NIPAL2: variants seen among roughly 807,000 people sequenced by gnomAD.
The protein encoded by NIPAL2 is NIPA like domain containing 2, also known as NIPA-like protein 2.
A neutral mutation model predicts 48.9 loss-of-function variants in NIPAL2; 43 were observed. The observed-to-expected ratio is 0.88, with a 90% CI of 0.69 to 1.13. NIPAL2 has a LOEUF of 1.13. NIPAL2 is among the 50% of genes most tolerant of loss of function. The probability of loss-of-function intolerance (pLI) is 0.00; values close to 1 mark genes in which losing one functional copy is unlikely to be tolerated. For missense variants in NIPAL2, 446 were observed against 461.4 expected (o/e 0.97, Z 0.31); for synonymous variants, 167 against 174.6 (o/e 0.96, Z 0.34).
chr8:98,293,972 C>A (rs2130933751), intron 1 of NIPAL2, 31 bp downstream of exon 1: 1 of 1,410,876 alleles, frequency 7.1e-7, no homozygotes, highest in East Asian at 3.1e-5. Flanking sequence ...GCGTCCCCAC[C>A]GGGCTGCGGT....
chr8:98,240,946 G>A (rs1011720010), intron 3 of NIPAL2, among the ~76,000 whole-genome samples: 2 of 152,040 alleles, frequency 1.3e-5, no homozygotes, highest in East Asian at 1.9e-4. Context: ...TTCCTCAACC[G>A]GTGAAAGGAA....
At chr8:98,236,440 T>C (rs1812718311) in intron 3 of NIPAL2, among the ~76,000 whole-genome samples, 2 of 152,034 alleles carry the variant, frequency 1.3e-5, no homozygotes, top group Admixed American at 1.3e-4. Flanking sequence ...GTGTCTTGTA[T>C]ATAGTGAAGG....
intron 1 of NIPAL2, 131 bp from the exon 2 acceptor site, chr8:98,254,218 T>C: frequency 1.6e-6 from 1 of 614,416 alleles, no homozygotes; most frequent in Non-Finnish European, 2.7e-6. Flanking sequence ...CAGGGTAGGT[T>C]TGGGATATTA....
chr8:98,196,129 T>C, intron 8 of NIPAL2, 124 bp from the exon 9 acceptor site: 2 of 559,664 alleles, frequency 3.6e-6, no homozygotes, highest in Non-Finnish European at 3.0e-6. Context: ...ATCCTTAAAA[T>C]GCACATTCAG....
rs116876104 is a variant in NIPAL2, at chr8:98,248,216, C to T, written c.376+4247G>A. Among the ~76,000 whole-genome samples, 276 of 152,284 alleles carry T rather than the reference C, an allele frequency of 1.8e-3. 3 individuals carry two copies. Among genetic ancestry groups the T allele is most frequent in the Admixed American group, 0.013 (202 of 15,286 alleles). ...GAGCTGTGAGGATCCTACTTTATTGCTCTCTGTAAATTTAGCCACTGCATA... is the reference window on the plus strand; with the variant it reads ...GAGCTGTGAGGATCCTACTTTATTGTTCTCTGTAAATTTAGCCACTGCATA... On this transcript the variant is annotated intron_variant, in intron 3 of 10. Coordinates refer to ENST00000430223, the MANE Select transcript of NIPAL2 (RefSeq NM_001321635.2).
intron 1 of NIPAL2, among the ~76,000 whole-genome samples, chr8:98,260,560 G>A (rs1420928189): frequency 3.3e-5 from 5 of 152,000 alleles, no homozygotes; most frequent in South Asian, 2.1e-4. Context: ...CGAATACTGC[G>A]CTTTTCCGAC....
chr8:98,214,167 C>CTT (rs71644509), intron 5 of NIPAL2, among the ~76,000 whole-genome samples: 2 of 146,288 alleles, frequency 1.4e-5, no homozygotes, highest in Non-Finnish European at 1.5e-5. Flanking sequence ...GTTTTAACAT[C>CTT]TTTTTTTTTT....
chr8:98,276,870 T>C (rs1815500551), intron 1 of NIPAL2, among the ~76,000 whole-genome samples: 1 of 151,926 alleles, frequency 6.6e-6, no homozygotes, highest in Non-Finnish European at 1.5e-5. Flanking sequence ...CCTCCCAGGC[T>C]CAACCAATTC....
chr8:98,236,271 T>C lies in NIPAL2; in HGVS notation c.377-57A>G, dbSNP rs1015733926. ...CAATATAAAAGTGTCTATTACGCAA[T>C]GCCATTTGAAAGAAGTTAAGCAATT... On this transcript the variant is annotated intron_variant, in intron 3 of 10. Transcript: ENST00000430223. 4.1e-6 allele frequency: 5 copies of C among 1,228,522 alleles called. No individual in the cohort carries two copies. In the East Asian group the frequency reaches 7.4e-5, roughly 18 times the overall value. The allele number at this position is 1,228,522 out of a possible 1,614,324, so 76.1% of individuals were successfully genotyped here. A position where few individuals can be genotyped will look rare whatever the true frequency, so the allele number is the denominator to read the frequency against.
At chr8:98,211,925 A>G (rs1371263960) in intron 6 of NIPAL2, among the ~76,000 whole-genome samples, 1 of 152,198 alleles carries the variant, frequency 6.6e-6, no homozygotes, top group Non-Finnish European at 1.5e-5. Flanking sequence ...CTGGAAAAAC[A>G]AAGTAAATGG....
At chr8:98,233,378 C>A (rs1461876036) in intron 4 of NIPAL2, among the ~76,000 whole-genome samples, 2 of 150,874 alleles carry the variant, frequency 1.3e-5, no homozygotes, top group Admixed American at 6.6e-5. Context: ...TTTCCCCTTC[C>A]TTATATTACA....
At chr8:98,247,118 C>T (rs1813349522) in intron 3 of NIPAL2, among the ~76,000 whole-genome samples, 2 of 152,166 alleles carry the variant, frequency 1.3e-5, no homozygotes, top group Non-Finnish European at 2.9e-5. Context: ...TATGAGTGTT[C>T]ACAAGCATGA....
In NIPAL2 at chr8:98,294,104, A is replaced by G; in HGVS notation, c.34T>C (p.Ser12Pro). The part of the protein sequence containing the change: ...AAVAPAGPGD[S>P]ASAALDELSL... ...AGCTCGTCCAGGGCGGCCGAGGCGG[A>G]GTCCCCGGGGCCCGCGGGCGCCACC... Residue 12 changes from serine (S) to proline (P), a missense_variant, in exon 1 of 11, where the codon TCC becomes CCC. Ser to Pro is a moderately conservative substitution (Grantham distance 74, BLOSUM62 -1). Coordinates refer to ENST00000430223, the MANE Select transcript of NIPAL2 (RefSeq NM_001321635.2). 11 of 1,487,150 alleles carry G rather than the reference A, an allele frequency of 7.4e-6. No individual in the cohort carries two copies. The highest frequency in any genetic ancestry group is 9.8e-6 in the Non-Finnish European group (11 of 1,118,888). 92.1% of individuals were successfully genotyped at this position (1,487,150 alleles called of 1,614,324 possible). A position where few individuals can be genotyped will look rare whatever the true frequency, so the allele number is the denominator to read the frequency against.
At chr8:98,230,403 A>T (rs1449087747) in intron 4 of NIPAL2, among the ~76,000 whole-genome samples, 2 of 152,186 alleles carry the variant, frequency 1.3e-5, no homozygotes, top group Non-Finnish European at 2.9e-5. Context: ...TGCTCCACCA[A>T]AAAAGGTCCC....
intron 5 of NIPAL2, chr8:98,217,283 C>G (rs1811623971): frequency 1.0e-6 from 1 of 985,424 alleles, no homozygotes; most frequent in Non-Finnish European, 1.2e-6. Flanking sequence ...AAACAGACAT[C>G]TGTCTGGGGC....
intron 3 of NIPAL2, among the ~76,000 whole-genome samples, chr8:98,242,280 C>T (rs563374199): frequency 5.0e-4 from 76 of 152,110 alleles, no homozygotes; most frequent in Non-Finnish European, 7.1e-4. Context: ...CCTGAGCTCA[C>T]GTGATTCTCC....
At chr8:98,205,835 A>T (rs1387803322) in intron 6 of NIPAL2, among the ~76,000 whole-genome samples, 3 of 152,316 alleles carry the variant, frequency 2.0e-5, no homozygotes, top group Admixed American at 6.5e-5. Context: ...CATTAAGAAT[A>T]TTTTTGACAA....
chr8:98,252,507 G>A lies in NIPAL2; in HGVS notation c.332C>T (p.Ala111Val). ...TAACGGAGCGATCAGAGTAATGGGA[G>A]CAAATCCATAGGCTGCAAAGTTCCC... ...ETGNFAAYGF[A>V]PITLIAPLGC... The change falls in exon 3 of 11, where the codon GCT becomes GTT. Residue 111 changes from alanine (A) to valine (V), a missense_variant. Coordinates refer to ENST00000430223, the MANE Select transcript of NIPAL2 (RefSeq NM_001321635.2). 6.2e-7 allele frequency: 1 copy of A among 1,613,992 alleles called. No individual in the cohort carries two copies. The highest frequency in any genetic ancestry group is 8.5e-7 in the Non-Finnish European group (1 of 1,179,966).
chr8:98,256,168 C>T (rs890183268), intron 1 of NIPAL2, among the ~76,000 whole-genome samples: 2 of 152,004 alleles, frequency 1.3e-5, no homozygotes, highest in African/African-American at 2.4e-5. Flanking sequence ...GAACCACAGG[C>T]GTGCACCACC....
Sources: allele counts gnomAD v4.1 joint callset (sites outside exome capture counted in the v4.1 genomes callset), GRCh38; gene constraint gnomAD v4.1.1; transcripts MANE v1.5; gene names NCBI Gene and HGNC (gene_info 2026-07-23, HGNC 2026-07-21).